Variants in C1orf21 observed in about 807,000 individuals in gnomAD.
The protein encoded by C1orf21 is uncharacterized protein C1orf21.
Under a neutral mutation model 18.7 loss-of-function variants are expected in C1orf21, and 3 were observed. That is an observed-to-expected ratio of 0.16 (90% CI 0.07 to 0.42). The LOEUF (loss-of-function observed/expected upper bound fraction) is 0.42. Among genes scored for constraint, C1orf21 ranks in the 10% least tolerant of loss-of-function variants. The pLI, the probability that C1orf21 is intolerant of heterozygous loss-of-function variation, is 0.99. For missense variants in C1orf21, 104 were observed against 143.6 expected (o/e 0.72, Z 1.41); for synonymous variants, 41 against 46.4 (o/e 0.88, Z 0.47).
intron 2 of C1orf21, among the ~76,000 whole-genome samples, chr1:184,480,188 T>G (rs1391052691): frequency 3.3e-5 from 5 of 152,142 alleles, no homozygotes; most frequent in Non-Finnish European, 7.4e-5. Context: ...CATCCAAACC[T>G]GGCCTTAAAG....
chr1:184,627,414 C>T lies in C1orf21; in HGVS notation c.*7858C>T. The T allele has an allele frequency of 6.6e-6, 1 of 152,082 alleles. No homozygotes were observed. The highest frequency in any genetic ancestry group is 1.9e-4 in the East Asian group (1 of 5,184). The allele number at this position is 152,082 out of a possible 1,614,324, so 9.4% of individuals were successfully genotyped here. A position where few individuals can be genotyped will look rare whatever the true frequency, so the allele number is the denominator to read the frequency against. ...CTGTTTCCAGAAACTCAAGAAAAAG[C>T]TCAAACAGAAGACAGTTCCCCTGAG... On this transcript the variant is annotated 3_prime_UTR_variant, in exon 6 of 6. Transcript: ENST00000235307.
At chr1:184,564,591 C>T (rs1205080973) in intron 3 of C1orf21, among the ~76,000 whole-genome samples, 1 of 152,160 alleles carries the variant, frequency 6.6e-6, no homozygotes, top group African/African-American at 2.4e-5. Flanking sequence ...AGGTGTGAGC[C>T]ACCACACCTG....
At chr1:184,394,692 G>A (rs1472545608) in intron 1 of C1orf21, among the ~76,000 whole-genome samples, 1 of 152,106 alleles carries the variant, frequency 6.6e-6, no homozygotes, top group African/African-American at 2.4e-5. Flanking sequence ...AGATAGTCAG[G>A]GTGACTTCAG....
intron 2 of C1orf21, among the ~76,000 whole-genome samples, chr1:184,495,656 T>C (rs1415030445): frequency 6.6e-6 from 1 of 152,134 alleles, no homozygotes; most frequent in Non-Finnish European, 1.5e-5. Context: ...GTGTGGTGGC[T>C]CATGCGTGTA....
At chr1:184,522,490 C>T (rs908021841) in intron 3 of C1orf21, among the ~76,000 whole-genome samples, 17 of 151,876 alleles carry the variant, frequency 1.1e-4, no homozygotes, top group African/African-American at 3.1e-4. Context: ...GCTCCTGGTG[C>T]GTCTTGTAGT....
intron 5 of C1orf21, among the ~76,000 whole-genome samples, chr1:184,598,783 C>G (rs1372068441): frequency 6.6e-6 from 1 of 152,172 alleles, no homozygotes; most frequent in Non-Finnish European, 1.5e-5. Context: ...CTGCACTAAC[C>G]TCCGACTGCA....
intron 1 of C1orf21, among the ~76,000 whole-genome samples, chr1:184,460,620 GTCTTCT>G (rs201481780): frequency 0.16 from 17,395 of 111,416 alleles, 1,433 homozygotes; most frequent in Middle Eastern, 0.19. Context: ...TGTCGTCGTC[GTCTTCT>G]TCTTCTTCTT....
chr1:184,491,942 A>C (rs181227546), intron 2 of C1orf21, among the ~76,000 whole-genome samples: 1 of 152,354 alleles, frequency 6.6e-6, no homozygotes, highest in African/African-American at 2.4e-5. Context: ...AAAGTCTCTT[A>C]GGAAGAGAAG....
At chr1:184,397,591 G>A (rs200218560) in intron 1 of C1orf21, among the ~76,000 whole-genome samples, 7 of 148,580 alleles carry the variant, frequency 4.7e-5, no homozygotes, top group East Asian at 4.1e-4. Context: ...GTCTGAAAAA[G>A]AAAAAAAAAC....
intron 3 of C1orf21, among the ~76,000 whole-genome samples, chr1:184,544,070 G>A (rs1273665905): frequency 6.6e-6 from 1 of 152,104 alleles, no homozygotes; most frequent in African/African-American, 2.4e-5. Flanking sequence ...ACATTAAAGG[G>A]AATTAACACT....
At chr1:184,509,136 GTC>G (rs1375904935) in intron 3 of C1orf21, among the ~76,000 whole-genome samples, 1 of 152,148 alleles carries the variant, frequency 6.6e-6, no homozygotes, top group African/African-American at 2.4e-5. Context: ...ACTAATGTGT[GTC>G]TCTGCTTCAC....
At chr1:184,458,276 T>A (rs1441249543) in intron 1 of C1orf21, among the ~76,000 whole-genome samples, 1 of 152,190 alleles carries the variant, frequency 6.6e-6, no homozygotes, top group African/African-American at 2.4e-5. Context: ...AAGTTCTTAC[T>A]ATTTTATTAT....
intron 1 of C1orf21, among the ~76,000 whole-genome samples, chr1:184,401,917 GT>G (rs1656159066): frequency 6.6e-6 from 1 of 151,902 alleles, no homozygotes; most frequent in African/African-American, 2.4e-5. Context: ...TTCATGCTAA[GT>G]TTTTAAGAAC....
intron 1 of C1orf21, among the ~76,000 whole-genome samples, chr1:184,395,284 T>C (rs1194815921): frequency 6.6e-6 from 1 of 152,182 alleles, no homozygotes; most frequent in Non-Finnish European, 1.5e-5. Context: ...ATTGATTGAT[T>C]GACAGCTTGT....
At chr1:184,581,622 T>A (rs1054920579) in intron 3 of C1orf21, among the ~76,000 whole-genome samples, 3 of 145,774 alleles carry the variant, frequency 2.1e-5, no homozygotes, top group African/African-American at 8.0e-5. Flanking sequence ...CCTTAACTTA[T>A]AATTCCCAGT....
At position 184,447,536 on chromosome 1, in the gene C1orf21, G is replaced by A. The variant is rs894087536; in HGVS notation, c.-124-29850G>A. ...AACAACTCAAAGATAGTATGTTTGGGTGTCAGTTTTACTATTTACCTAATT... is the reference window on the plus strand; with the variant it reads ...AACAACTCAAAGATAGTATGTTTGGATGTCAGTTTTACTATTTACCTAATT... On this transcript the variant is annotated intron_variant, in intron 1 of 5. Transcript: ENST00000235307. 4.1e-4 allele frequency among the ~76,000 whole-genome samples: 63 copies of A among 152,270 alleles called. 1 individual carries two copies. The highest frequency in any genetic ancestry group is 1.3e-3 in the African/African-American group (53 of 41,560).
intron 1 of C1orf21, among the ~76,000 whole-genome samples, chr1:184,418,394 T>G (rs1360355981): frequency 1.3e-5 from 2 of 152,144 alleles, no homozygotes; most frequent in Non-Finnish European, 2.9e-5. Context: ...GTATGTTTTT[T>G]GTAGAGATAG....
chr1:184,405,448 G>A (rs66756340), intron 1 of C1orf21, among the ~76,000 whole-genome samples: 10,171 of 152,082 alleles, frequency 0.067, 501 homozygotes, highest in Middle Eastern at 0.13. Context: ...TACCTGCCTC[G>A]GCCTCCAAAG....
intron 1 of C1orf21, among the ~76,000 whole-genome samples, chr1:184,476,058 T>A (rs1657566549): frequency 6.6e-6 from 1 of 152,218 alleles, no homozygotes; most frequent in Non-Finnish European, 1.5e-5. Flanking sequence ...GATCACTGCC[T>A]TTTTATCTAA....
Sources: gnomAD v4.1 joint callset for allele counts (sites outside exome capture counted in the v4.1 genomes callset) on GRCh38, gnomAD v4.1.1 for gene constraint, MANE v1.5 for transcripts, NCBI Gene and HGNC (gene_info 2026-07-23, HGNC 2026-07-21) for gene names.